Variants in TMEM276 observed in about 807,000 individuals in gnomAD.
TMEM276 encodes transmembrane protein 276.
chr8:144,464,400 C>T, the TMEM276 span: 1 of 1,612,092 alleles, frequency 6.2e-7, no homozygotes, highest in Non-Finnish European at 8.5e-7. Context: ...GGCCGCCAGC[C>T]ACTGCCAGCA....
At chr8:144,466,766 C>G in the TMEM276 span, 1 of 1,531,168 alleles carries the variant, frequency 6.5e-7, no homozygotes, top group Non-Finnish European at 8.7e-7. Flanking sequence ...CTAGAGAGCC[C>G]GCAAGCCCCG....
At chr8:144,465,357 C>T in the TMEM276 span, 1 of 1,068,842 alleles carries the variant, frequency 9.4e-7, no homozygotes, top group African/African-American at 1.7e-5. Context: ...AGTTACCGGG[C>T]TGCGCGGTCC....
chr8:144,464,463 G>C, the TMEM276 span: 2 of 1,612,334 alleles, frequency 1.2e-6, no homozygotes, highest in Non-Finnish European at 1.7e-6. Context: ...CATTCACCCA[G>C]TGGAAATCGA....
At chr8:144,465,225 G>T in the TMEM276 span, 1 of 1,187,830 alleles carries the variant, frequency 8.4e-7, no homozygotes, top group Non-Finnish European at 1.1e-6. Context: ...AGAGAGAGCG[G>T]CGAGGCGCTG....
the TMEM276 span, chr8:144,465,418 G>A: frequency 9.9e-7 from 1 of 1,013,366 alleles, no homozygotes; most frequent in Non-Finnish European, 1.2e-6. Flanking sequence ...ACCGCCCACC[G>A]CCGTCGGCCC....
chr8:144,466,804 G>A, the TMEM276 span: 2 of 1,537,314 alleles, frequency 1.3e-6, no homozygotes, highest in African/African-American at 2.7e-5. Flanking sequence ...ACCTGCCCGC[G>A]CCAGAGCTGT....
At chr8:144,466,747 G>A in the TMEM276 span, 8 of 1,521,506 alleles carry the variant, frequency 5.3e-6, no homozygotes, top group South Asian at 8.4e-5. Flanking sequence ...GGGCGCCCCT[G>A]CCCCCTCCCT....
chr8:144,466,406 C>G, the TMEM276 span: 1 of 1,231,692 alleles, frequency 8.1e-7, no homozygotes, highest in South Asian at 2.0e-5. Flanking sequence ...GGCCCTCTGC[C>G]GCCCCGCGCT....
At chr8:144,466,689 C>G in the TMEM276 span, 1 of 1,301,072 alleles carries the variant, frequency 7.7e-7, no homozygotes, top group Non-Finnish European at 1.0e-6. Context: ...TCCTCCGGCC[C>G]GGTTCGCGGA....
chr8:144,466,910 C>T, the TMEM276 span: 8 of 1,564,650 alleles, frequency 5.1e-6, no homozygotes, highest in South Asian at 4.6e-5. Context: ...GGAGGCCTGG[C>T]TCAAGCACGT....
the TMEM276 span, chr8:144,464,250 C>A: frequency 6.2e-7 from 1 of 1,612,994 alleles, no homozygotes; most frequent in Non-Finnish European, 8.5e-7. Context: ...CCAGCCGGCT[C>A]AGGAGGCCTG....
the TMEM276 span, chr8:144,465,501 G>A: frequency 1.1e-6 from 1 of 943,762 alleles, no homozygotes; most frequent in Non-Finnish European, 1.3e-6. Flanking sequence ...AGGAGCGGAG[G>A]CTAGAGCGGC....
chr8:144,466,916 C>T, the TMEM276 span: 2 of 1,570,318 alleles, frequency 1.3e-6, no homozygotes, highest in South Asian at 1.1e-5. Context: ...CTGGCTCAAG[C>T]ACGTGACCCG....
At chr8:144,465,010 G>A in the TMEM276 span, 5 of 1,540,144 alleles carry the variant, frequency 3.2e-6, no homozygotes, top group Non-Finnish European at 4.4e-6. Flanking sequence ...CGGCACTCTA[G>A]TAAGCCCAGG....
At chr8:144,465,477 C>A in the TMEM276 span, 2 of 988,626 alleles carry the variant, frequency 2.0e-6, no homozygotes, top group Non-Finnish European at 2.4e-6. Context: ...CGGTCGGGAA[C>A]CTCCACCAGC....
At chr8:144,465,209 T>A in the TMEM276 span, 1 of 1,245,192 alleles carries the variant, frequency 8.0e-7, no homozygotes, top group Non-Finnish European at 1.0e-6. Context: ...AGTGCGGGCC[T>A]GGGGAAGAGA....
the TMEM276 span, chr8:144,463,959 C>T: frequency 6.7e-7 from 1 of 1,493,440 alleles, no homozygotes; most frequent in Non-Finnish European, 8.9e-7. Context: ...CAAGTCCCCA[C>T]ACGTGGCCAA....
At chr8:144,464,251 A>C in the TMEM276 span, 1 of 1,612,956 alleles carries the variant, frequency 6.2e-7, no homozygotes. Flanking sequence ...CAGCCGGCTC[A>C]GGAGGCCTGC....
chr8:144,464,807 A>T, the TMEM276 span: 9 of 1,612,436 alleles, frequency 5.6e-6, no homozygotes, highest in African/African-American at 1.3e-5. Flanking sequence ...CAGTGTACTC[A>T]CCTCGGCTGT....
Sources: gnomAD v4.1 joint callset for allele counts on GRCh38, gnomAD v4.1.1 for gene constraint, MANE v1.5 for transcripts, NCBI Gene and HGNC (gene_info 2026-07-23, HGNC 2026-07-21) for gene names.